LRRC53: variants seen among roughly 807,000 people sequenced by gnomAD.
LRRC53 encodes leucine rich repeat containing 53.
LRRC53 carries 25 observed loss-of-function variants against 13.6 expected under a neutral mutation model. The observed-to-expected ratio is 1.83, with a 90% confidence interval of 1.34 to 2.56. The LOEUF (loss-of-function observed/expected upper bound fraction) is 2.56, where lower values mean the gene tolerates loss of function less well. Ranked by LOEUF, LRRC53 falls within the 30% of genes most tolerant of loss-of-function variation. The probability of loss-of-function intolerance (pLI) is 0.00; values close to 1 mark genes in which losing one functional copy is unlikely to be tolerated. For synonymous variants in LRRC53, 204 were observed against 109.8 expected, an observed-to-expected ratio of 1.86 and a Z score of -5.37; for missense variants, 527 against 275.8, an observed-to-expected ratio of 1.91 and a Z score of -6.45.
In LRRC53 at chr1:74,474,143, A is replaced by G. The variant is rs147380595; in HGVS notation, c.1420+1152T>C. Among the ~76,000 whole-genome samples the G allele has an allele frequency of 6.4e-4, 98 of 152,332 alleles. No homozygotes were observed. In the East Asian group the frequency reaches 7.3e-3, roughly 11 times the overall value. On this transcript the variant is annotated intron_variant, in intron 4 of 4. Transcript: ENST00000294635. ...ACAGACTGGGTTTTAAATGGTTAAA[A>G]GAGCACATCCCCTTCAGTTATAGGA...
the LRRC53 span, among the ~76,000 whole-genome samples, chr1:74,530,812 C>A: frequency 1.3e-5 from 2 of 151,290 alleles, no homozygotes; most frequent in Non-Finnish European, 1.5e-5. Context: ...TTTTAGCAGT[C>A]AAGGCATGCA....
chr1:74,471,120 A>G lies in LRRC53; in HGVS notation c.2502T>C (p.Asp834=). 1 of 400,790 alleles carries G rather than the reference A, an allele frequency of 2.5e-6. No individual in the cohort carries two copies. The highest frequency in any genetic ancestry group is 4.4e-6 in the Non-Finnish European group (1 of 226,216). The allele number at this position is 400,790 out of a possible 1,614,324, so 24.8% of individuals were successfully genotyped here. A position where few individuals can be genotyped will look rare whatever the true frequency, so the allele number is the denominator to read the frequency against. Residue 834 remains aspartate, a synonymous_variant, in exon 5 of 5, where the codon GAT becomes GAC. Coordinates refer to ENST00000294635, the MANE Select transcript of LRRC53 (RefSeq NM_001382280.1). ...SSCYSAGHIP[D]GNTSKLPQPT... The stretch of plus-strand genomic sequence containing the variant: ...GTTGGGGCAATTTTGATGTGTTTCC[A>G]TCAGGAATGTGGCCAGCTGAGTAAC...
intron 1 of LRRC53, among the ~76,000 whole-genome samples, chr1:74,497,195 A>G: frequency 6.6e-6 from 1 of 152,130 alleles, no homozygotes; most frequent in South Asian, 2.1e-4. Context: ...TAGCACCATG[A>G]CACTGATGTT....
At chr1:74,474,793 T>C (rs1668108741) in intron 4 of LRRC53, among the ~76,000 whole-genome samples, 1 of 152,058 alleles carries the variant, frequency 6.6e-6, no homozygotes, top group African/African-American at 2.4e-5. Flanking sequence ...TGGGAAGTTA[T>C]CATCCCTGAC....
intron 3 of LRRC53, among the ~76,000 whole-genome samples, chr1:74,479,428 T>C (rs1668365364): frequency 6.6e-6 from 1 of 152,196 alleles, no homozygotes; most frequent in African/African-American, 2.4e-5. Flanking sequence ...TGGGGAAGTA[T>C]GGGCCAAGTT....
intron 1 of LRRC53, among the ~76,000 whole-genome samples, chr1:74,499,244 C>A (rs1226752600): frequency 6.6e-6 from 1 of 152,174 alleles, no homozygotes; most frequent in African/African-American, 2.4e-5. Context: ...TTGGCTCAAG[C>A]AATCCTCCTG....
In LRRC53 at chr1:74,509,434, A is replaced by G. The variant is rs146774785; in HGVS notation, c.-27+3092T>C. ...TACATAACAATAGAAAAGATTTAAG[A>G]TGCTTGAGAACTAACAAATCTAAAT... On this transcript the variant is annotated intron_variant, in intron 1 of 4. Coordinates refer to ENST00000294635, the MANE Select transcript of LRRC53 (RefSeq NM_001382280.1). Among the ~76,000 whole-genome samples the G allele has an allele frequency of 5.7e-4, 87 of 152,338 alleles. No individual in the cohort carries two copies. In the East Asian group the frequency reaches 0.016, roughly 28 times the overall value.
chr1:74,472,048 A>G lies in LRRC53; in HGVS notation c.1574T>C (p.Ile525Thr). The part of the protein sequence containing the change: ...GLHPHRQRHF[I>T]TSSSSKPCEP... Reference sequence around the variant, plus strand: ...ACAAGGCTTGGATGATGAGCTTGTAATAAAATGTCTTTGCCTATGAGGGTG... The same window carrying G: ...ACAAGGCTTGGATGATGAGCTTGTAGTAAAATGTCTTTGCCTATGAGGGTG... The change falls in exon 5 of 5, where the codon ATT (isoleucine) becomes ACT (threonine). Residue 525 changes from isoleucine to threonine, a missense_variant. Ile to Thr is a moderately conservative substitution (Grantham distance 89, BLOSUM62 -1). Transcript: ENST00000294635. The G allele has an allele frequency of 1.4e-6, 1 of 712,078 alleles. No homozygotes were observed. The highest frequency in any genetic ancestry group is 2.6e-6 in the Non-Finnish European group (1 of 382,946). The allele number at this position is 712,078 out of a possible 1,614,324, so 44.1% of individuals were successfully genotyped here.
chr1:74,495,686 TAATGGAGAGTA>T (rs1247114760), intron 1 of LRRC53, among the ~76,000 whole-genome samples: 1 of 152,120 alleles, frequency 6.6e-6, no homozygotes, highest in East Asian at 1.9e-4. Flanking sequence ...TTTCCCAAGT[TAATGGAGAGTA>T]AGTAAGCAAA....
At chr1:74,485,662 C>G (rs1392561789) in intron 1 of LRRC53, among the ~76,000 whole-genome samples, 1 of 152,176 alleles carries the variant, frequency 6.6e-6, no homozygotes, top group African/African-American at 2.4e-5. Flanking sequence ...TCTGACCTAA[C>G]TGGGTGAGCC....
chr1:74,495,460 T>C (rs1482080691), intron 1 of LRRC53, among the ~76,000 whole-genome samples: 1 of 152,136 alleles, frequency 6.6e-6, no homozygotes, highest in Non-Finnish European at 1.5e-5. Flanking sequence ...ATTGGATAAA[T>C]TGGCTCAATA....
At chr1:74,529,121 G>A in the LRRC53 span, among the ~76,000 whole-genome samples, 1 of 152,126 alleles carries the variant, frequency 6.6e-6, no homozygotes, top group Non-Finnish European at 1.5e-5. Flanking sequence ...ATTTGGCTGA[G>A]ATGCAGAATA....
rs144889249 is a variant in LRRC53 at position 74,486,564 on chromosome 1, G to A, written c.-26-3189C>T. Reference sequence around the variant, plus strand: ...ATGGAGTTTCCATTTACTGAAATGGGAAAGGCTATAAATATAATTAATTGC... The same window carrying A: ...ATGGAGTTTCCATTTACTGAAATGGAAAAGGCTATAAATATAATTAATTGC... On this transcript the variant is annotated intron_variant, in intron 1 of 4. Coordinates refer to ENST00000294635, the MANE Select transcript of LRRC53 (RefSeq NM_001382280.1). 9.6e-3 allele frequency among the ~76,000 whole-genome samples: 1,450 copies of A among 150,776 alleles called. 4 individuals carry two copies. The highest frequency in any genetic ancestry group is 0.017 in the Non-Finnish European group (1,123 of 67,842).
At chr1:74,497,817 A>G (rs750840218) in intron 1 of LRRC53, among the ~76,000 whole-genome samples, 3 of 152,070 alleles carry the variant, frequency 2.0e-5, no homozygotes, top group Non-Finnish European at 2.9e-5. Flanking sequence ...ATAATTCTCC[A>G]TTGCTTCTAA....
At chr1:74,472,257 C>A in intron 4 of LRRC53, 56 bp from the exon 5 acceptor site, 1 of 705,818 alleles carries the variant, frequency 1.4e-6, no homozygotes, top group Non-Finnish European at 2.6e-6. Flanking sequence ...TTACCCCAAC[C>A]AAACAGATGC....
chr1:74,482,030 C>A (rs2100262119), intron 2 of LRRC53, among the ~76,000 whole-genome samples: 1 of 152,304 alleles, frequency 6.6e-6, no homozygotes, highest in East Asian at 1.9e-4. Context: ...CACAAGCAAG[C>A]TTAAATCCTG....
intron 1 of LRRC53, among the ~76,000 whole-genome samples, chr1:74,484,868 C>T (rs1160655170): frequency 6.6e-6 from 1 of 152,146 alleles, no homozygotes; most frequent in Non-Finnish European, 1.5e-5. Flanking sequence ...ATTTTAACTA[C>T]TGAGTTGGGA....
intron 1 of LRRC53, among the ~76,000 whole-genome samples, 175 bp from the exon 2 acceptor site, chr1:74,483,550 C>T (rs1317894413): frequency 4.6e-5 from 7 of 152,186 alleles, no homozygotes; most frequent in African/African-American, 1.4e-4. Context: ...AGAATTTAAA[C>T]TGAAATGTTA....
At chr1:74,503,919 C>T (rs1334792532) in intron 1 of LRRC53, among the ~76,000 whole-genome samples, 1 of 152,088 alleles carries the variant, frequency 6.6e-6, no homozygotes, top group African/African-American at 2.4e-5. Context: ...TCATTATGTT[C>T]CTGAATGCCA....
Sources: allele counts gnomAD v4.1 joint callset (sites outside exome capture counted in the v4.1 genomes callset), GRCh38; gene constraint gnomAD v4.1.1; transcripts MANE v1.5; gene names NCBI Gene and HGNC (gene_info 2026-07-23, HGNC 2026-07-21).